The following TMEM123 variants were observed in gnomAD, a reference collection of about 807,000 sequenced individuals.
TMEM123 encodes porimin.
In TMEM123, 16 loss-of-function variants were observed where a neutral mutation model predicts 19.7. That is an observed-to-expected ratio of 0.81 (90% confidence interval 0.55 to 1.23). TMEM123 has a LOEUF of 1.23. Among genes scored for constraint, TMEM123 ranks in the 50% most tolerant of loss-of-function variants. The probability of loss-of-function intolerance (pLI) is 0.00; values close to 1 mark genes in which losing one functional copy is unlikely to be tolerated. For synonymous variants in TMEM123, 118 were observed against 99.4 expected, an observed-to-expected ratio of 1.19 and a Z score of -1.12; for missense variants, 313 against 257.8, an observed-to-expected ratio of 1.21 and a Z score of -1.47.
At chr11:102,448,291 T>C in intron 2 of TMEM123, 1 of 456,276 alleles carries the variant, frequency 2.2e-6, no homozygotes, top group Non-Finnish European at 4.4e-6. Flanking sequence ...CATCTTTCCA[T>C]GTTAGTGAAC....
At chr11:102,400,140 A>C (rs557071291) in intron 4 of TMEM123, among the ~76,000 whole-genome samples, 84 of 152,352 alleles carry the variant, frequency 5.5e-4, no homozygotes, top group African/African-American at 2.0e-3. Context: ...AGTTTGATTT[A>C]CTTTTATGTG....
In TMEM123 at chr11:102,398,531, T is replaced by C; in HGVS notation, c.*336A>G. The stretch of plus-strand genomic sequence containing the variant: ...TTCTTATTTGTATGCCCAGATGGCA[T>C]TCTGTCTTTCAGTGATGACGTCTTT... On this transcript the variant is annotated 3_prime_UTR_variant, in exon 5 of 5. Coordinates refer to ENST00000398136, the MANE Select transcript of TMEM123 (RefSeq NM_052932.3). 2.3e-6 allele frequency: 1 copy of C among 429,424 alleles called. No homozygotes were observed. The highest frequency in any genetic ancestry group is 4.1e-6 in the Non-Finnish European group (1 of 246,728). The allele number at this position is 429,424 out of a possible 1,614,324, so 26.6% of individuals were successfully genotyped here. A position where few individuals can be genotyped will look rare whatever the true frequency, so the allele number is the denominator to read the frequency against.
chr11:102,400,479 T>C (rs1168790536), intron 4 of TMEM123, among the ~76,000 whole-genome samples: 1 of 152,240 alleles, frequency 6.6e-6, no homozygotes, highest in African/African-American at 2.4e-5. Flanking sequence ...GTGGGACACA[T>C]GTATGTCAAA....
chr11:102,398,782 G>C lies in TMEM123; in HGVS notation c.*85C>G. On this transcript the variant is annotated 3_prime_UTR_variant, in exon 5 of 5. Coordinates refer to ENST00000398136, the MANE Select transcript of TMEM123 (RefSeq NM_052932.3). ...CCTGTTTATACTATTTTCAAAAAGA[G>C]AATATTGTTTTAAACTATTAATAAA... 7.4e-7 allele frequency: 1 copy of C among 1,356,748 alleles called. No homozygotes were observed. Among genetic ancestry groups the C allele is most frequent in the Non-Finnish European group, 1.0e-6 (1 of 961,316 alleles). 84.0% of individuals were successfully genotyped at this position (1,356,748 alleles called of 1,614,324 possible). A position where few individuals can be genotyped will look rare whatever the true frequency, so the allele number is the denominator to read the frequency against.
At chr11:102,431,910 T>G (rs933242664) in intron 2 of TMEM123, among the ~76,000 whole-genome samples, 2 of 152,216 alleles carry the variant, frequency 1.3e-5, no homozygotes, top group African/African-American at 4.8e-5. Context: ...GGCATCTCCC[T>G]GCTGGCACTT....
intron 2 of TMEM123, among the ~76,000 whole-genome samples, chr11:102,444,805 G>C (rs1309137670): frequency 6.6e-6 from 1 of 151,604 alleles, no homozygotes; most frequent in African/African-American, 2.4e-5. Flanking sequence ...TTAAGAAAAT[G>C]TGGCACATAT....
At chr11:102,452,439 T>G in intron 1 of TMEM123, 85 bp downstream of exon 1, 1 of 1,198,092 alleles carries the variant, frequency 8.3e-7, no homozygotes, top group Non-Finnish European at 1.1e-6. Context: ...CGGAACTTTC[T>G]GTACCAGAGC....
intron 2 of TMEM123, among the ~76,000 whole-genome samples, chr11:102,441,579 CA>C (rs1177404364): frequency 6.6e-6 from 1 of 152,016 alleles, no homozygotes; most frequent in African/African-American, 2.4e-5. Flanking sequence ...TAAATGCCCA[CA>C]AGAGAAAGCA....
chr11:102,447,420 A>G (rs962419738), intron 2 of TMEM123, among the ~76,000 whole-genome samples: 6 of 152,170 alleles, frequency 3.9e-5, no homozygotes, highest in Non-Finnish European at 8.8e-5. Context: ...TTGAGTTTCA[A>G]TTTCCCCATG....
chr11:102,422,532 C>G (rs924546299), intron 2 of TMEM123, among the ~76,000 whole-genome samples: 4 of 152,104 alleles, frequency 2.6e-5, no homozygotes, highest in Admixed American at 1.3e-4. Flanking sequence ...TCTCATCATT[C>G]TGCCAATTAG....
At chr11:102,439,902 A>G (rs1857806526) in intron 2 of TMEM123, among the ~76,000 whole-genome samples, 5 of 152,256 alleles carry the variant, frequency 3.3e-5, no homozygotes, top group Admixed American at 2.6e-4. Flanking sequence ...ACTACGTGAC[A>G]CATGCACAAG....
chr11:102,440,624 G>A (rs542303582), intron 2 of TMEM123, among the ~76,000 whole-genome samples: 3 of 152,294 alleles, frequency 2.0e-5, no homozygotes, highest in Admixed American at 2.0e-4. Flanking sequence ...ATCGATGATA[G>A]GAAGAAACTG....
At chr11:102,402,877 G>T (rs760298934) in intron 2 of TMEM123, among the ~76,000 whole-genome samples, 3 of 152,204 alleles carry the variant, frequency 2.0e-5, no homozygotes, top group African/African-American at 4.8e-5. Context: ...AATTTTGTAT[G>T]AAAAGAAAAA....
intron 2 of TMEM123, among the ~76,000 whole-genome samples, chr11:102,431,816 C>A (rs1857713049): frequency 6.6e-6 from 1 of 152,152 alleles, no homozygotes; most frequent in Non-Finnish European, 1.5e-5. Context: ...TGGTAGGTAA[C>A]TGAATCATGG....
At chr11:102,420,070 C>T (rs191615680) in intron 2 of TMEM123, among the ~76,000 whole-genome samples, 5 of 152,220 alleles carry the variant, frequency 3.3e-5, no homozygotes, top group Non-Finnish European at 2.9e-5. Flanking sequence ...TAAAAATATG[C>T]ACAAACATGA....
intron 2 of TMEM123, among the ~76,000 whole-genome samples, chr11:102,440,069 C>T (rs549958783): frequency 6.6e-6 from 1 of 152,338 alleles, no homozygotes; most frequent in African/African-American, 2.4e-5. Context: ...AAATCTATGT[C>T]TGATTGGTGT....
Position 102,397,591 on chromosome 11 carries a change from C to T in TMEM123, c.*1276G>A, listed in dbSNP as rs1951868323. 1 of 152,132 alleles carries T rather than the reference C, an allele frequency of 6.6e-6. No homozygotes were observed. The highest frequency in any genetic ancestry group is 1.5e-5 in the Non-Finnish European group (1 of 68,020). 9.4% of individuals were successfully genotyped at this position (152,132 alleles called of 1,614,324 possible). On this transcript the variant is annotated 3_prime_UTR_variant, in exon 5 of 5. Coordinates refer to ENST00000398136, the MANE Select transcript of TMEM123 (RefSeq NM_052932.3). ...GCATCTGAGAGTACTTCTCCTTCAGCATGGAGTAAGAGGAGGGATTTGAGG... is the reference window on the plus strand; with the variant it reads ...GCATCTGAGAGTACTTCTCCTTCAGTATGGAGTAAGAGGAGGGATTTGAGG...
chr11:102,428,637 G>A (rs758634042), intron 2 of TMEM123, among the ~76,000 whole-genome samples: 36 of 151,902 alleles, frequency 2.4e-4, no homozygotes, highest in Middle Eastern at 3.4e-3. Flanking sequence ...TTTTAAAGAA[G>A]TGTTTTTTCC....
chr11:102,411,149 C>T (rs1262813647), intron 2 of TMEM123, among the ~76,000 whole-genome samples: 3 of 152,068 alleles, frequency 2.0e-5, no homozygotes, highest in Admixed American at 6.6e-5. Context: ...AGGATGGGCT[C>T]CTCACCAGAA....
Sources: allele counts gnomAD v4.1 joint callset (sites outside exome capture counted in the v4.1 genomes callset), GRCh38; gene constraint gnomAD v4.1.1; transcripts MANE v1.5; gene names NCBI Gene and HGNC (gene_info 2026-07-23, HGNC 2026-07-21).